Variants in DAP observed in about 807,000 individuals in gnomAD.
DAP encodes the protein death associated protein.
DAP carries 8 observed loss-of-function variants against 13.8 expected under a neutral mutation model. The ratio of observed to expected loss-of-function variants is 0.58; its 90% CI spans 0.34 to 1.05. The LOEUF (loss-of-function observed/expected upper bound fraction) is 1.05, where lower values mean the gene tolerates loss of function less well. Ranked by LOEUF, DAP falls within the 50% of genes least tolerant of loss-of-function variation. The probability of loss-of-function intolerance (pLI) is 0.03; values close to 1 mark genes in which losing one functional copy is unlikely to be tolerated. For synonymous variants in DAP, 47 were observed against 47.5 expected, an observed-to-expected ratio of 0.99 and a Z score of 0.04; for missense variants, 106 against 133.2, an observed-to-expected ratio of 0.80 and a Z score of 1.01.
At chr5:10,682,532 C>G (rs1487011050) in intron 3 of DAP, among the ~76,000 whole-genome samples, 1 of 149,286 alleles carries the variant, frequency 6.7e-6, no homozygotes, top group Admixed American at 6.6e-5. Context: ...TCCAGGCCAG[C>G]GCCCACCAGC....
chr5:10,698,829 C>T (rs751587111), intron 2 of DAP, among the ~76,000 whole-genome samples: 5 of 152,216 alleles, frequency 3.3e-5, no homozygotes, highest in Admixed American at 6.5e-5. Flanking sequence ...CAGGGAGACA[C>T]AGCCTCCAAT....
At chr5:10,697,157 G>A (rs1738455455) in intron 2 of DAP, among the ~76,000 whole-genome samples, 2 of 152,164 alleles carry the variant, frequency 1.3e-5, no homozygotes, top group Non-Finnish European at 2.9e-5. Context: ...GGCTGTAGGT[G>A]GGCCATCTCT....
chr5:10,701,768 T>C (rs1738583934), intron 2 of DAP, among the ~76,000 whole-genome samples: 1 of 152,160 alleles, frequency 6.6e-6, no homozygotes, highest in South Asian at 2.1e-4. Flanking sequence ...CAGGCATTGG[T>C]CCTGGTGTTA....
At chr5:10,757,024 C>T (rs963941597) in intron 1 of DAP, among the ~76,000 whole-genome samples, 1 of 152,200 alleles carries the variant, frequency 6.6e-6, no homozygotes, top group Non-Finnish European at 1.5e-5. Flanking sequence ...AGCACATTTG[C>T]CAGGACATGA....
chr5:10,700,573 G>A (rs1451469604), intron 2 of DAP, among the ~76,000 whole-genome samples: 1 of 152,220 alleles, frequency 6.6e-6, no homozygotes, highest in African/African-American at 2.4e-5. Flanking sequence ...CCCAGGGGCA[G>A]CGTGGATGTG....
intron 2 of DAP, among the ~76,000 whole-genome samples, chr5:10,732,998 A>G (rs114399173): frequency 0.021 from 3,265 of 152,190 alleles, 90 homozygotes; most frequent in African/African-American, 0.07. Context: ...CTAACTTTCT[A>G]TGAGTCTGAC....
At chr5:10,744,947 G>T (rs1369203363) in intron 2 of DAP, among the ~76,000 whole-genome samples, 1 of 152,194 alleles carries the variant, frequency 6.6e-6, no homozygotes, top group Non-Finnish European at 1.5e-5. Flanking sequence ...TCTTGAAGAG[G>T]GAGTAGTAAT....
At chr5:10,691,326 C>T (rs1173402036) in intron 2 of DAP, among the ~76,000 whole-genome samples, 2 of 152,244 alleles carry the variant, frequency 1.3e-5, no homozygotes, top group East Asian at 3.8e-4. Flanking sequence ...GGCTTCAGAG[C>T]CCAATCCTTT....
At chr5:10,742,925 C>T (rs922043630) in intron 2 of DAP, among the ~76,000 whole-genome samples, 1 of 122,528 alleles carries the variant, frequency 8.2e-6, no homozygotes, top group Non-Finnish European at 1.7e-5. Context: ...TTTGTATCTA[C>T]CATCCATCCA....
At chr5:10,698,444 G>A (rs759903890) in intron 2 of DAP, among the ~76,000 whole-genome samples, 4 of 152,056 alleles carry the variant, frequency 2.6e-5, no homozygotes, top group African/African-American at 4.8e-5. Flanking sequence ...AAACACCGCC[G>A]AGTATTAGAA....
chr5:10,685,483 G>T (rs190358594), intron 2 of DAP, among the ~76,000 whole-genome samples: 15 of 151,792 alleles, frequency 9.9e-5, no homozygotes, highest in Non-Finnish European at 2.2e-4. Context: ...CAAAGCTCAG[G>T]AACTGTGGTC....
intron 2 of DAP, among the ~76,000 whole-genome samples, chr5:10,742,472 A>C (rs560198013): frequency 1.2e-3 from 185 of 152,318 alleles, no homozygotes; most frequent in African/African-American, 4.2e-3. Context: ...GGTTGCAGTG[A>C]GCTGAGATCA....
In DAP at chr5:10,761,038, T is replaced by A. The variant is rs764316925; in HGVS notation, c.31A>T (p.Thr11Ser). 9.1e-6 allele frequency: 11 copies of A among 1,214,338 alleles called. No homozygotes were observed. The South Asian group carries it at 2.9e-4, about 32-fold the overall frequency. The allele number at this position is 1,214,338 out of a possible 1,614,324, so 75.2% of individuals were successfully genotyped here. ...CCGGCGGGCGGGTGTCCAGCTTTAG[T>A]CTCTAGTTTCCCTTCGGGAGGCGAA... MSSPPEGKLE[T>S]KAGHPPAVKA... The change falls in exon 1 of 4, where the codon ACT (threonine) becomes TCT (serine). Residue 11 changes from threonine to serine, a missense_variant. Transcript: ENST00000230895.
At chr5:10,688,421 T>C (rs1738211454) in intron 2 of DAP, among the ~76,000 whole-genome samples, 2 of 152,228 alleles carry the variant, frequency 1.3e-5, no homozygotes, top group African/African-American at 4.8e-5. Context: ...TTAGACGTAA[T>C]GCTACTGTAC....
chr5:10,702,834 C>A (rs62337577), intron 2 of DAP, among the ~76,000 whole-genome samples: 9,455 of 152,222 alleles, frequency 0.062, 327 homozygotes, highest in African/African-American at 0.083. Flanking sequence ...AAAGGTAGCT[C>A]ATCTTGTTAA....
intron 2 of DAP, among the ~76,000 whole-genome samples, chr5:10,730,507 C>T (rs560268371): frequency 8.6e-5 from 13 of 150,890 alleles, no homozygotes; most frequent in Admixed American, 8.6e-4. Flanking sequence ...TACTGAGAGA[C>T]CGGGTCGGGG....
chr5:10,759,744 C>CTTTTTTTTTTTTT, intron 1 of DAP, among the ~76,000 whole-genome samples: 1 of 88,202 alleles, frequency 1.1e-5, no homozygotes, highest in African/African-American at 4.5e-5. Context: ...TAATGGGAAT[C>CTTTTTTTTTTTTT]TTTTTTTTTT....
intron 2 of DAP, among the ~76,000 whole-genome samples, chr5:10,730,765 G>C (rs1446576401): frequency 3.3e-5 from 4 of 121,214 alleles, no homozygotes; most frequent in Admixed American, 2.5e-4. Flanking sequence ...TCTCTACTGA[G>C]AGCCCTGGTA....
chr5:10,692,398 T>C (rs1738328892), intron 2 of DAP, among the ~76,000 whole-genome samples: 1 of 152,174 alleles, frequency 6.6e-6, no homozygotes, highest in African/African-American at 2.4e-5. Context: ...CTGCAATCTA[T>C]ACCTTCATCC....
Sources: gnomAD v4.1 joint callset for allele counts (sites outside exome capture counted in the v4.1 genomes callset) on GRCh38, gnomAD v4.1.1 for gene constraint, MANE v1.5 for transcripts, NCBI Gene and HGNC (gene_info 2026-07-23, HGNC 2026-07-21) for gene names.